CNTNAP2: variants seen among roughly 807,000 people sequenced by gnomAD.
CNTNAP2 encodes the protein contactin associated protein 2.
In CNTNAP2, 98 loss-of-function variants were observed where a neutral mutation model predicts 155.2. That is an observed-to-expected ratio of 0.63 (90% CI 0.54 to 0.75). The LOEUF (loss-of-function observed/expected upper bound fraction) is 0.75, where lower values mean the gene tolerates loss of function less well. Among genes scored for constraint, CNTNAP2 ranks in the 30% least tolerant of loss-of-function variants. The pLI is 0.00. For missense variants in CNTNAP2, 1,727 were observed against 1,688.1 expected (o/e 1.02, Z -0.40); for synonymous variants, 651 against 631.2 (o/e 1.03, Z -0.47).
At chr7:147,751,114 T>C (rs1315286105) in intron 13 of CNTNAP2, among the ~76,000 whole-genome samples, 1 of 151,568 alleles carries the variant, frequency 6.6e-6, no homozygotes, top group Non-Finnish European at 1.5e-5. Flanking sequence ...AGAAAAAGGC[T>C]AGAAGTTCTG....
chr7:146,188,988 G>T (rs532034209), intron 1 of CNTNAP2, among the ~76,000 whole-genome samples: 2 of 152,218 alleles, frequency 1.3e-5, no homozygotes, highest in African/African-American at 4.8e-5. Context: ...AAACTAATTA[G>T]AGAGTTTTAC....
intron 8 of CNTNAP2, among the ~76,000 whole-genome samples, chr7:147,241,356 G>A (rs1803933869): frequency 6.6e-6 from 1 of 152,032 alleles, no homozygotes; most frequent in Admixed American, 6.6e-5. Flanking sequence ...TGCCGGGCGC[G>A]GTGCCTCTTG....
intron 14 of CNTNAP2, among the ~76,000 whole-genome samples, chr7:147,954,665 A>G (rs1457139254): frequency 6.6e-6 from 1 of 152,182 alleles, no homozygotes; most frequent in African/African-American, 2.4e-5. Flanking sequence ...TAATGTTTTT[A>G]TAATTTTTAG....
rs34996621 is a variant in CNTNAP2 at position 146,370,260 on chromosome 7, T to TAA, written c.97+253315_97+253316dup. Among the ~76,000 whole-genome samples the TAA allele has an allele frequency of 4.8e-3, 420 of 87,574 alleles. 13 individuals are homozygous for TAA. The highest frequency in any genetic ancestry group is 0.017 in the African/African-American group (333 of 19,362). The allele number at this position is 87,574 out of a possible 152,430, so 57.5% of individuals were successfully genotyped here. A position where few individuals can be genotyped will look rare whatever the true frequency, so the allele number is the denominator to read the frequency against. On this transcript the variant is annotated intron_variant, in intron 1 of 23. Transcript: ENST00000361727. The stretch of plus-strand genomic sequence containing the variant: ...AATAGGTGAAACCCCATCTCTACTT[T>TAA]AAAAAAAAAAAAAAAAAAAAAAAAA...
chr7:147,882,976 A>G (rs1799546087), intron 13 of CNTNAP2, among the ~76,000 whole-genome samples: 1 of 152,236 alleles, frequency 6.6e-6, no homozygotes, highest in Non-Finnish European at 1.5e-5. Context: ...GTAATCAGCT[A>G]CATACAATTT....
chr7:147,766,691 T>C (rs1797388670), intron 13 of CNTNAP2, among the ~76,000 whole-genome samples: 1 of 152,140 alleles, frequency 6.6e-6, no homozygotes, highest in African/African-American at 2.4e-5. Flanking sequence ...CTAATTCGTA[T>C]TAGGTCTCTG....
intron 13 of CNTNAP2, among the ~76,000 whole-genome samples, chr7:147,737,822 T>C (rs112614498): frequency 0.19 from 28,413 of 152,182 alleles, 3,057 homozygotes; most frequent in Middle Eastern, 0.38. Context: ...CTGAGCCAGG[T>C]GCGGGATGTA....
chr7:146,125,472 A>C (rs1320096298), intron 1 of CNTNAP2, among the ~76,000 whole-genome samples: 1 of 149,722 alleles, frequency 6.7e-6, no homozygotes, highest in Non-Finnish European at 1.5e-5. Context: ...GCTACTTGGA[A>C]GGCTAAGGCA....
rs2286128 is a variant in CNTNAP2 at position 147,485,974 on chromosome 7, G to A, written c.1710G>A (p.Ser570=). 9.6e-3 allele frequency: 15,488 copies of A among 1,613,978 alleles called. 622 individuals are homozygous for A. The African/African-American group carries it at 0.098, about 10-fold the overall frequency. ...ACTGTGAGCATGGTGGAAAGTGCTCGCAAACATGGGACAGCTTCAAATGCA... is the reference window on the plus strand; with the variant it reads ...ACTGTGAGCATGGTGGAAAGTGCTCACAAACATGGGACAGCTTCAAATGCA... ...PNHCEHGGKC[S]QTWDSFKCTC... Residue 570 remains serine (S), a synonymous_variant, in exon 11 of 24, where the codon TCG becomes TCA. Coordinates refer to ENST00000361727, the MANE Select transcript of CNTNAP2 (RefSeq NM_014141.6).
chr7:146,545,048 A>G (rs2693402), intron 1 of CNTNAP2, among the ~76,000 whole-genome samples: 99,227 of 151,586 alleles, frequency 0.65, 33,939 homozygotes, highest in African/African-American at 0.84. Flanking sequence ...ATAGCTCACC[A>G]ATTCAAGGTA....
At chr7:148,393,593 T>C (rs1799401797) in intron 22 of CNTNAP2, among the ~76,000 whole-genome samples, 1 of 152,222 alleles carries the variant, frequency 6.6e-6, no homozygotes. Flanking sequence ...AAAATCACAT[T>C]GTATCCATGA....
intron 1 of CNTNAP2, among the ~76,000 whole-genome samples, chr7:146,282,824 A>G (rs1269578878): frequency 6.6e-6 from 1 of 152,188 alleles, no homozygotes; most frequent in African/African-American, 2.4e-5. Flanking sequence ...AAGTTTTGAA[A>G]CATCCTAGTG....
rs1324784680 is a variant in CNTNAP2 at position 147,841,231 on chromosome 7, T to C, written c.2099-62334T>C. On this transcript the variant is annotated intron_variant, in intron 13 of 23. Transcript: ENST00000361727. Reference sequence around the variant, plus strand: ...TGCTTTATTTTCTGAGTCCACATAATGATAACAGAAAAAGTTGTATGTGTG... The same window carrying C: ...TGCTTTATTTTCTGAGTCCACATAACGATAACAGAAAAAGTTGTATGTGTG... 3.3e-5 allele frequency among the ~76,000 whole-genome samples: 5 copies of C among 152,172 alleles called. No individual in the cohort carries two copies. The East Asian group carries it at 9.6e-4, about 29-fold the overall frequency.
chr7:146,186,779 G>C (rs1039092517), intron 1 of CNTNAP2, among the ~76,000 whole-genome samples: 15 of 152,034 alleles, frequency 9.9e-5, no homozygotes, highest in African/African-American at 3.6e-4. Flanking sequence ...CCTTCTACCT[G>C]GAAGTTTATG....
In CNTNAP2 at chr7:148,118,254, G is replaced by T. The variant is rs779395215; in HGVS notation, c.2520G>T (p.Met840Ile). 2 of 1,614,098 alleles carry T rather than the reference G, an allele frequency of 1.2e-6. No individual in the cohort carries two copies. Among genetic ancestry groups the T allele is most frequent in the South Asian group, 2.2e-5 (2 of 91,078 alleles). The change falls in exon 16 of 24, where the codon ATG (methionine) becomes ATT (isoleucine). Residue 840 changes from methionine to isoleucine, a missense_variant. Met to Ile is a conservative substitution (Grantham distance 10). Coordinates refer to ENST00000361727, the MANE Select transcript of CNTNAP2 (RefSeq NM_014141.6). The part of the protein sequence containing the change: ...LTPWGVFLEN[M>I]GKEDFIKLEL... The stretch of plus-strand genomic sequence containing the variant: ...CCTGGGGAGTGTTTCTTGAAAATAT[G>T]GGAAAGGAAGATTTCATCAAGCTGG...
intron 4 of CNTNAP2, among the ~76,000 whole-genome samples, chr7:147,066,122 A>G (rs1175755064): frequency 6.6e-6 from 1 of 152,224 alleles, no homozygotes; most frequent in South Asian, 2.1e-4. Context: ...ATGTACAGAA[A>G]CTAGAAGGCA....
intron 3 of CNTNAP2, among the ~76,000 whole-genome samples, chr7:146,969,487 G>T (rs1370928508): frequency 2.6e-5 from 4 of 152,038 alleles, no homozygotes; most frequent in Non-Finnish European, 5.9e-5. Context: ...TTATGAATCT[G>T]GGTGCTCTTG....
chr7:147,880,908 A>AGAGT (rs78951196), intron 13 of CNTNAP2, among the ~76,000 whole-genome samples: 1 of 149,944 alleles, frequency 6.7e-6, no homozygotes, highest in Non-Finnish European at 1.5e-5. Context: ...CAAGTAAGAT[A>AGAGT]ATCAGTCTTA....
At chr7:147,095,508 G>A (rs1445943299) in intron 4 of CNTNAP2, among the ~76,000 whole-genome samples, 1 of 151,146 alleles carries the variant, frequency 6.6e-6, no homozygotes, top group Non-Finnish European at 1.5e-5. Flanking sequence ...TAAAATATTT[G>A]TAAAATTTAT....
Sources: gnomAD v4.1 joint callset for allele counts (sites outside exome capture counted in the v4.1 genomes callset) on GRCh38, gnomAD v4.1.1 for gene constraint, MANE v1.5 for transcripts, NCBI Gene and HGNC (gene_info 2026-07-23, HGNC 2026-07-21) for gene names.